SNX25: variants seen among roughly 807,000 people sequenced by gnomAD.
SNX25 encodes sorting nexin 25, also known as sorting nexin-25.
SNX25 carries 62 observed loss-of-function variants against 113.7 expected under a neutral mutation model. That is an observed-to-expected ratio of 0.55 (90% confidence interval 0.44 to 0.67). The LOEUF (loss-of-function observed/expected upper bound fraction) is 0.67. Ranked by LOEUF, SNX25 falls within the 30% of genes least tolerant of loss-of-function variation. The pLI is 0.00. For missense variants in SNX25, 1,014 were observed against 1,161.0 expected, an observed-to-expected ratio of 0.87 and a Z score of 1.84; for synonymous variants, 421 against 436.2, an observed-to-expected ratio of 0.97 and a Z score of 0.43.
intron 9 of SNX25, among the ~76,000 whole-genome samples, chr4:185,328,179 A>G (rs1044791154): frequency 7.2e-5 from 11 of 151,922 alleles, no homozygotes; most frequent in African/African-American, 2.4e-4. Flanking sequence ...TTTTTTTTCT[A>G]ATTTCCCAAT....
At chr4:185,233,283 TAA>T (rs70962558) in intron 1 of SNX25, among the ~76,000 whole-genome samples, 219 of 145,882 alleles carry the variant, frequency 1.5e-3, no homozygotes, top group Non-Finnish European at 1.4e-3. Flanking sequence ...AGACTTAGTC[TAA>T]AAAAAAAAAA....
At position 185,332,715 on chromosome 4, in the gene SNX25, C is replaced by G. The variant is rs1373779823; in HGVS notation, c.1870C>G (p.Gln624Glu). 1.2e-6 allele frequency: 2 copies of G among 1,613,986 alleles called. No individual in the cohort carries two copies. ...AAATGAGAAACTTGAATATAAAAGG[C>G]AAGCTCTAAATTCTATTCAAAATGC... ...ELNEKLEYKRQALNSIQNAPK... is the reference protein window; with the variant it reads ...ELNEKLEYKREALNSIQNAPK... The change falls in exon 10 of 19, where the codon CAA becomes GAA. Residue 624 changes from glutamine (Q) to glutamate (E), a missense_variant. By Grantham distance (29) the Gln-to-Glu change is conservative. Transcript: ENST00000652585.
At chr4:185,230,941 C>T (rs1368170938) in intron 1 of SNX25, among the ~76,000 whole-genome samples, 1 of 152,116 alleles carries the variant, frequency 6.6e-6, no homozygotes, top group Non-Finnish European at 1.5e-5. Context: ...CAGATAGGGG[C>T]TTCCTGATGT....
chr4:185,264,389 G>T, intron 3 of SNX25, 49 bp from the exon 4 acceptor site: 1 of 1,560,436 alleles, frequency 6.4e-7, no homozygotes, highest in African/African-American at 1.4e-5. Flanking sequence ...GTACATAATT[G>T]AATTGTTTCT....
chr4:185,335,316 T>TCACACACACACA (rs3047486), intron 10 of SNX25, among the ~76,000 whole-genome samples: 2 of 140,806 alleles, frequency 1.4e-5, no homozygotes, highest in East Asian at 2.1e-4. Flanking sequence ...TGAAAAAGTC[T>TCACACACACACA]CACACACACA....
At chr4:185,313,892 A>C (rs1297874732) in intron 7 of SNX25, among the ~76,000 whole-genome samples, 6 of 152,220 alleles carry the variant, frequency 3.9e-5, no homozygotes, top group Non-Finnish European at 8.8e-5. Flanking sequence ...AGAATAAAGT[A>C]GGCTATAAAG....
intron 9 of SNX25, among the ~76,000 whole-genome samples, chr4:185,332,200 A>G (rs2126706525): frequency 6.6e-6 from 1 of 152,336 alleles, no homozygotes; most frequent in Admixed American, 6.5e-5. Flanking sequence ...GGCTTGCATG[A>G]GTTTTTAATA....
chr4:185,375,487 A>AAAAATATATATATATAT, the SNX25 span: 1 of 12,016 alleles, frequency 8.3e-5, no homozygotes, highest in Non-Finnish European at 1.5e-4. Flanking sequence ...AAAAAAAAAA[A>AAAAATATATATATATAT]ATATATATAT....
At chr4:185,255,986 A>G (rs1264533668) in intron 2 of SNX25, among the ~76,000 whole-genome samples, 4 of 152,220 alleles carry the variant, frequency 2.6e-5, no homozygotes, top group African/African-American at 7.2e-5. Context: ...TACTTTTTGC[A>G]AAATCTAGAA....
At chr4:185,365,568 C>A (rs2095384227), downstream of SNX25, 1 of 151,528 alleles carries the variant, frequency 6.6e-6, no homozygotes, top group Non-Finnish European at 1.5e-5. Context: ...GTTGGCCAGC[C>A]TGGTCTCAAA....
At chr4:185,371,504 T>A (rs192259231), downstream of SNX25, among the ~76,000 whole-genome samples, 449 of 135,084 alleles carry the variant, frequency 3.3e-3, 1 homozygote, top group African/African-American at 0.012. Flanking sequence ...ATCGCACCAC[T>A]GCACTCCAGC....
At chr4:185,295,451 CTT>C (rs11342153) in intron 6 of SNX25, among the ~76,000 whole-genome samples, 223 of 137,562 alleles carry the variant, frequency 1.6e-3, no homozygotes, top group Middle Eastern at 3.7e-3. Flanking sequence ...TCTGGTGAGT[CTT>C]TTTTTTTTTT....
intron 1 of SNX25, among the ~76,000 whole-genome samples, chr4:185,224,977 A>G (rs1005432273): frequency 1.3e-5 from 2 of 151,950 alleles, no homozygotes; most frequent in African/African-American, 4.8e-5. Context: ...AGTCATTCAG[A>G]GTGTCAGGGA....
intron 5 of SNX25, among the ~76,000 whole-genome samples, chr4:185,282,632 C>T (rs1301482128): frequency 6.6e-6 from 1 of 152,160 alleles, no homozygotes; most frequent in South Asian, 2.1e-4. Flanking sequence ...GAGCAGATGG[C>T]AGTTATCTTT....
downstream of SNX25, among the ~76,000 whole-genome samples, chr4:185,371,497 G>A (rs541998288): frequency 2.3e-4 from 32 of 141,050 alleles, no homozygotes; most frequent in East Asian, 2.5e-3. Context: ...AGCCGAGATC[G>A]CACCACTGCA....
chr4:185,368,930 A>G (rs2095403660), downstream of SNX25, among the ~76,000 whole-genome samples: 1 of 150,816 alleles, frequency 6.6e-6, no homozygotes, highest in South Asian at 2.1e-4. Flanking sequence ...AGTAGCTGGG[A>G]CTATGGACAT....
At chr4:185,239,247 C>A (rs181856001) in intron 1 of SNX25, among the ~76,000 whole-genome samples, 10 of 114,210 alleles carry the variant, frequency 8.8e-5, no homozygotes, top group East Asian at 2.8e-4. Context: ...TTTGGGAGGC[C>A]AAGGCGGGCA....
rs564913182 is a variant in SNX25, at chr4:185,363,541, G to A, written c.*76G>A. 2 of 1,339,358 alleles carry A rather than the reference G, an allele frequency of 1.5e-6. No individual in the cohort carries two copies. Among genetic ancestry groups the A allele is most frequent in the Admixed American group, 1.7e-5 (1 of 57,910 alleles). 83.0% of individuals were successfully genotyped at this position (1,339,358 alleles called of 1,614,324 possible). On this transcript the variant is annotated 3_prime_UTR_variant, in exon 19 of 19. Coordinates refer to ENST00000652585, the MANE Select transcript of SNX25 (RefSeq NM_001378034.2). The surrounding 1 kb of genome is among the most constrained non-coding windows in gnomAD (Gnocchi z 4.2). Reference sequence around the variant, plus strand: ...AACATTTTCCTCTTTTCCACAGAGGGCTTAACTGAGAACCGTATTGATTTT... The same window carrying A: ...AACATTTTCCTCTTTTCCACAGAGGACTTAACTGAGAACCGTATTGATTTT...
At chr4:185,219,908 C>CCT (rs772687162) in intron 1 of SNX25, among the ~76,000 whole-genome samples, 19 of 143,244 alleles carry the variant, frequency 1.3e-4, no homozygotes, top group African/African-American at 3.9e-4. Context: ...AGTTGTTAAT[C>CCT]TTTTTTTTTT....
Sources: gnomAD v4.1 joint callset for allele counts (sites outside exome capture counted in the v4.1 genomes callset) on GRCh38, gnomAD v4.1.1 for gene constraint, Gnocchi (gnomAD v3.1) non-coding constraint, MANE v1.5 for transcripts, NCBI Gene and HGNC (gene_info 2026-07-23, HGNC 2026-07-21) for gene names.